Variants in GALNT1 observed in about 807,000 individuals in gnomAD.
The protein encoded by GALNT1 is polypeptide N-acetylgalactosaminyltransferase 1, also known as GalNAc transferase 1.
GALNT1 carries 17 observed loss-of-function variants against 65.7 expected under a neutral mutation model. The ratio of observed to expected loss-of-function variants is 0.26; its 90% confidence interval spans 0.18 to 0.39. GALNT1 has a LOEUF of 0.39. Ranked by LOEUF, GALNT1 falls within the 10% of genes least tolerant of loss-of-function variation. The pLI is 1.00. For missense variants in GALNT1, 460 were observed against 672.8 expected (o/e 0.68, Z 3.50); for synonymous variants, 210 against 219.7 (o/e 0.96, Z 0.39).
At chr18:35,647,152 C>A (rs965246978) in intron 1 of GALNT1, among the ~76,000 whole-genome samples, 4 of 152,224 alleles carry the variant, frequency 2.6e-5, no homozygotes, top group Admixed American at 6.5e-5. Context: ...AGAGCCTTTA[C>A]TATTCACTGC....
intron 9 of GALNT1, 72 bp from the exon 10 acceptor site, chr18:35,702,825 A>G (rs2048187130): frequency 3.1e-6 from 3 of 978,322 alleles, no homozygotes; most frequent in African/African-American, 1.6e-5. Flanking sequence ...TATTTAGTGT[A>G]TATGTGTGTG....
intron 8 of GALNT1, among the ~76,000 whole-genome samples, chr18:35,691,766 T>C (rs1322423092): frequency 2.0e-5 from 3 of 152,208 alleles, no homozygotes; most frequent in Non-Finnish European, 4.4e-5. Context: ...CTGACATTGT[T>C]ACTAGTCCAT....
In GALNT1 at chr18:35,632,605, A is replaced by G. The variant is rs189998513; in HGVS notation, c.-103-21955A>G. Among the ~76,000 whole-genome samples, 1,207 of 152,352 alleles carry G rather than the reference A, an allele frequency of 7.9e-3. 14 individuals carry two copies. The highest frequency in any genetic ancestry group is 0.022 in the Admixed American group (344 of 15,304). ...CTAAAACCAGAAAAACCCTAGAAGA[A>G]AACCAAGGCAATACCATTCAGGACA... On this transcript the variant is annotated intron_variant, in intron 1 of 11. Coordinates refer to ENST00000269195, the MANE Select transcript of GALNT1 (RefSeq NM_020474.4).
At chr18:35,652,281 ATTCT>A (rs1390168602) in intron 1 of GALNT1, among the ~76,000 whole-genome samples, 2 of 152,126 alleles carry the variant, frequency 1.3e-5, no homozygotes, top group East Asian at 3.9e-4. Flanking sequence ...CCCTGTGGAC[ATTCT>A]TTCTTTGTTA....
At chr18:35,597,504 T>C (rs2046520080) in intron 1 of GALNT1, 1 of 152,234 alleles carries the variant, frequency 6.6e-6, no homozygotes, top group Admixed American at 6.5e-5. Flanking sequence ...TGACAGTTTG[T>C]TTAGTGCTTT....
intron 3 of GALNT1, among the ~76,000 whole-genome samples, chr18:35,675,621 T>C (rs2047700733): frequency 6.6e-6 from 1 of 152,234 alleles, no homozygotes. Flanking sequence ...CCTTTCTGTT[T>C]CCTAGCCATA....
At chr18:35,689,367 C>A in intron 7 of GALNT1, 77 bp downstream of exon 7, 1 of 829,866 alleles carries the variant, frequency 1.2e-6, no homozygotes, top group Non-Finnish European at 2.0e-6. Context: ...TGTATCTCTA[C>A]ATAAAAAATA....
At chr18:35,582,582 A>C (rs1024515727) in intron 1 of GALNT1, among the ~76,000 whole-genome samples, 2 of 152,162 alleles carry the variant, frequency 1.3e-5, no homozygotes, top group Non-Finnish European at 2.9e-5. Context: ...TACCAAACTC[A>C]CTTGGCATTT....
chr18:35,658,278 G>C (rs1255010465), intron 2 of GALNT1, among the ~76,000 whole-genome samples: 1 of 152,162 alleles, frequency 6.6e-6, no homozygotes, highest in Non-Finnish European at 1.5e-5. Context: ...GTGGAGACCA[G>C]ACAGTGGAGA....
intron 1 of GALNT1, among the ~76,000 whole-genome samples, chr18:35,611,541 T>C (rs1465228329): frequency 6.6e-6 from 1 of 152,228 alleles, no homozygotes; most frequent in African/African-American, 2.4e-5. Flanking sequence ...TTTGCTCTCT[T>C]TATACATCTG....
At chr18:35,646,396 A>G (rs1450823209) in intron 1 of GALNT1, among the ~76,000 whole-genome samples, 1 of 152,130 alleles carries the variant, frequency 6.6e-6, no homozygotes, top group Non-Finnish European at 1.5e-5. Flanking sequence ...AGGATCTTTC[A>G]TGAGGTTGTA....
chr18:35,684,739 C>T (rs747242244), intron 5 of GALNT1, among the ~76,000 whole-genome samples: 5 of 152,158 alleles, frequency 3.3e-5, no homozygotes, highest in Non-Finnish European at 5.9e-5. Context: ...TTGCAAATCT[C>T]GAAAAGAAGT....
At chr18:35,677,950 ATTAAT>A (rs1407598525) in intron 4 of GALNT1, among the ~76,000 whole-genome samples, 193 bp downstream of exon 4, 35 of 152,324 alleles carry the variant, frequency 2.3e-4, no homozygotes, top group African/African-American at 5.3e-4. Flanking sequence ...TTAATTAGTA[ATTAAT>A]TTAATTTGTG....
intron 11 of GALNT1, among the ~76,000 whole-genome samples, chr18:35,706,082 C>T (rs191301682): frequency 2.1e-4 from 32 of 152,222 alleles, no homozygotes; most frequent in African/African-American, 7.7e-4. Flanking sequence ...GTTTTCTAGT[C>T]GTTAGAGTGT....
intron 2 of GALNT1, among the ~76,000 whole-genome samples, chr18:35,657,786 G>C (rs2047413762): frequency 6.6e-6 from 1 of 152,212 alleles, no homozygotes; most frequent in Non-Finnish European, 1.5e-5. Flanking sequence ...ATATACTGGA[G>C]AAACAGTAGG....
At chr18:35,708,408 GAAT>G (rs144600530) in intron 11 of GALNT1, among the ~76,000 whole-genome samples, 12,400 of 152,138 alleles carry the variant, frequency 0.082, 553 homozygotes, top group African/African-American at 0.12. Context: ...CAACACGGAA[GAAT>G]AATAAATGAC....
At chr18:35,605,499 A>AG (rs2046635563) in intron 1 of GALNT1, among the ~76,000 whole-genome samples, 1 of 151,864 alleles carries the variant, frequency 6.6e-6, no homozygotes, top group Admixed American at 6.6e-5. Flanking sequence ...TCAAAAAAAA[A>AG]AAAAAGAAAA....
At chr18:35,697,165 G>A (rs2144703830) in intron 9 of GALNT1, among the ~76,000 whole-genome samples, 1 of 152,292 alleles carries the variant, frequency 6.6e-6, no homozygotes, top group East Asian at 1.9e-4. Flanking sequence ...CTGTGTGCCT[G>A]CTATGTATCT....
At chr18:35,695,951 G>A (rs1226136151) in intron 9 of GALNT1, among the ~76,000 whole-genome samples, 17 of 152,124 alleles carry the variant, frequency 1.1e-4, no homozygotes, top group Admixed American at 1.1e-3. Flanking sequence ...CCTAGGCATT[G>A]TTAGCTGGGC....
Sources: allele counts gnomAD v4.1 joint callset (sites outside exome capture counted in the v4.1 genomes callset), GRCh38; gene constraint gnomAD v4.1.1; transcripts MANE v1.5; gene names NCBI Gene and HGNC (gene_info 2026-07-23, HGNC 2026-07-21).